Variants in DLG1 observed in about 807,000 individuals in gnomAD.
The protein encoded by DLG1 is discs large MAGUK scaffold protein 1, also known as disks large homolog 1.
Under a neutral mutation model 123.4 loss-of-function variants are expected in DLG1, and 42 were observed. The observed-to-expected ratio is 0.34, with a 90% CI of 0.27 to 0.44. DLG1 has a LOEUF of 0.44. Among genes scored for constraint, DLG1 ranks in the 20% least tolerant of loss-of-function variants. DLG1 has a pLI of 1.00. For synonymous variants in DLG1, 317 were observed against 356.2 expected (o/e 0.89, Z 1.24); for missense variants, 942 against 1,082.6 (o/e 0.87, Z 1.82).
Position 197,207,562 on chromosome 3 carries a change from GAAA to G in DLG1, c.319-12976_319-12974del, listed in dbSNP as rs1458366486. On this transcript the variant is annotated intron_variant, in intron 4 of 24. Transcript: ENST00000667157. ...TGAAATTCTTGTAAAAAACCAGCAAGAAAAAAAGAAAGTCTATAGATAAGGAGT... is the reference window on the plus strand; with the variant it reads ...TGAAATTCTTGTAAAAAACCAGCAAGAAAAGAAAGTCTATAGATAAGGAGT... 5.3e-5 allele frequency among the ~76,000 whole-genome samples: 8 copies of G among 151,888 alleles called. No homozygotes were observed. The East Asian group carries it at 1.5e-3, about 29-fold the overall frequency.
chr3:197,217,448 T>C (rs1188578124), intron 4 of DLG1, among the ~76,000 whole-genome samples: 2 of 152,218 alleles, frequency 1.3e-5, no homozygotes, highest in African/African-American at 2.4e-5. Flanking sequence ...CTATTAAAAT[T>C]TGGAATCAGT....
intron 5 of DLG1, among the ~76,000 whole-genome samples, chr3:197,170,760 G>A (rs1057423607): frequency 6.6e-6 from 1 of 152,138 alleles, no homozygotes; most frequent in Non-Finnish European, 1.5e-5. Flanking sequence ...GTCAATGTTT[G>A]CTTTTGTTGC....
intron 5 of DLG1, among the ~76,000 whole-genome samples, chr3:197,164,477 T>C (rs1046180513): frequency 3.3e-5 from 5 of 152,102 alleles, no homozygotes; most frequent in African/African-American, 1.2e-4. Context: ...TAAAAGCCTA[T>C]GTTTTAAGGT....
chr3:197,062,923 TCTCC>T (rs1736835878), intron 22 of DLG1, among the ~76,000 whole-genome samples: 1 of 152,166 alleles, frequency 6.6e-6, no homozygotes, highest in African/African-American at 2.4e-5. Context: ...CATTTTACCC[TCTCC>T]CTTTTTCTGA....
At chr3:197,245,726 CG>C (rs1396940228) in intron 4 of DLG1, among the ~76,000 whole-genome samples, 1 of 151,912 alleles carries the variant, frequency 6.6e-6, no homozygotes, top group Non-Finnish European at 1.5e-5. Context: ...TCCTTTTCAG[CG>C]GGAGTGAAGA....
In DLG1 at chr3:197,298,550, A is replaced by G. The variant is rs558427868; in HGVS notation, c.-46T>C. 1 of 398,196 alleles carries G rather than the reference A, an allele frequency of 2.5e-6. No homozygotes were observed. Among genetic ancestry groups the G allele is most frequent in the South Asian group, 1.3e-4 (1 of 7,832 alleles). The allele number at this position is 398,196 out of a possible 1,614,324, so 24.7% of individuals were successfully genotyped here. ...GGCGCACATACCGAGACACCCCTCA[A>G]CCTCACTCAGCAGTGCCGTTTCCAA... On this transcript the variant is annotated 5_prime_UTR_variant, in exon 1 of 25. Coordinates refer to ENST00000667157, the MANE Select transcript of DLG1 (RefSeq NM_001366207.1).
Position 197,253,975 on chromosome 3 carries a change from C to T in DLG1, c.318+28704G>A, listed in dbSNP as rs79901229. 1.4e-3 allele frequency among the ~76,000 whole-genome samples: 207 copies of T among 151,174 alleles called. 1 individual carries two copies. The highest frequency in any genetic ancestry group is 3.4e-3 in the Middle Eastern group (1 of 290). Reference sequence around the variant, plus strand: ...CTGCACACGAAGGAAAGAATCTAAACCCCAAAGAAAGAAGCCTTTTGTAAG... The same window carrying T: ...CTGCACACGAAGGAAAGAATCTAAATCCCAAAGAAAGAAGCCTTTTGTAAG... On this transcript the variant is annotated intron_variant, in intron 4 of 24. Coordinates refer to ENST00000667157, the MANE Select transcript of DLG1 (RefSeq NM_001366207.1).
intron 5 of DLG1, among the ~76,000 whole-genome samples, chr3:197,159,925 A>C (rs1377466623): frequency 6.6e-6 from 1 of 152,240 alleles, no homozygotes; most frequent in Non-Finnish European, 1.5e-5. Context: ...ATATGAGATA[A>C]CACTAAAAAT....
chr3:197,127,056 T>C (rs535681488), intron 11 of DLG1, among the ~76,000 whole-genome samples: 43 of 152,206 alleles, frequency 2.8e-4, no homozygotes, highest in Non-Finnish European at 3.7e-4. Context: ...AAATACAGAT[T>C]TCATTTTTCC....
intron 4 of DLG1, among the ~76,000 whole-genome samples, chr3:197,225,005 G>A (rs532113295): frequency 2.6e-5 from 4 of 152,320 alleles, no homozygotes; most frequent in East Asian, 1.9e-4. Flanking sequence ...GGCCCAGGCC[G>A]GAGTGCAGTG....
chr3:197,147,525 C>T (rs138564091), intron 6 of DLG1, among the ~76,000 whole-genome samples: 14 of 151,506 alleles, frequency 9.2e-5, no homozygotes, highest in African/African-American at 3.4e-4. Context: ...TTTGCAGCAA[C>T]CTGAATGGAA....
chr3:197,145,469 T>C (rs1790274234), intron 6 of DLG1, among the ~76,000 whole-genome samples: 1 of 152,234 alleles, frequency 6.6e-6, no homozygotes, highest in African/African-American at 2.4e-5. Context: ...CAATTTTCCT[T>C]GGCATATGGA....
chr3:197,291,301 AC>A (rs1249993778), intron 3 of DLG1, among the ~76,000 whole-genome samples: 5 of 7,314 alleles, frequency 6.8e-4, no homozygotes, highest in African/African-American at 2.9e-3. Context: ...CTACAAAGTT[AC>A]ACACACACAC....
chr3:197,166,848 C>T (rs976292737), intron 5 of DLG1, among the ~76,000 whole-genome samples: 5 of 151,602 alleles, frequency 3.3e-5, no homozygotes, highest in South Asian at 2.1e-4. Flanking sequence ...GCCAAGATCA[C>T]GCCATTCCAC....
intron 6 of DLG1, among the ~76,000 whole-genome samples, chr3:197,146,598 T>C (rs1210375070): frequency 1.8e-4 from 28 of 152,152 alleles, no homozygotes; most frequent in Non-Finnish European, 5.9e-5. Context: ...GCTAGCCACA[T>C]GTAGAAAATG....
intron 24 of DLG1, among the ~76,000 whole-genome samples, chr3:197,049,483 G>A (rs371110101): frequency 6.6e-5 from 10 of 152,240 alleles, no homozygotes; most frequent in East Asian, 1.9e-4. Context: ...AGCCGGGCCC[G>A]ATGGCTCACG....
chr3:197,251,765 C>A (rs577194490), intron 4 of DLG1, among the ~76,000 whole-genome samples: 1 of 152,106 alleles, frequency 6.6e-6, no homozygotes, highest in African/African-American at 2.4e-5. Context: ...CCAAACTACC[C>A]GTCTGACAAG....
intron 4 of DLG1, among the ~76,000 whole-genome samples, chr3:197,264,399 T>C (rs927820184): frequency 3.3e-5 from 5 of 152,106 alleles, no homozygotes; most frequent in African/African-American, 1.2e-4. Context: ...TCAAAGACAA[T>C]ACTCGTTGGA....
At position 197,183,882 on chromosome 3, in the gene DLG1, A is replaced by G. The variant is rs1714138556; in HGVS notation, c.483+10543T>C. The G allele has an allele frequency of 2.0e-6, 3 of 1,492,242 alleles. No individual in the cohort carries two copies. In the South Asian group the frequency reaches 4.0e-5, roughly 20 times the overall value. 92.4% of individuals were successfully genotyped at this position (1,492,242 alleles called of 1,614,324 possible). A position where few individuals can be genotyped will look rare whatever the true frequency, so the allele number is the denominator to read the frequency against. On this transcript the variant is annotated intron_variant, in intron 5 of 24. Coordinates refer to ENST00000667157, the MANE Select transcript of DLG1 (RefSeq NM_001366207.1). ...CTGCTGAGTGGTGAATGATCGGTAAAAACTGCAGCTACAATTACAGCAGCA... is the reference window on the plus strand; with the variant it reads ...CTGCTGAGTGGTGAATGATCGGTAAGAACTGCAGCTACAATTACAGCAGCA...
Sources: allele counts gnomAD v4.1 joint callset (sites outside exome capture counted in the v4.1 genomes callset), GRCh38; gene constraint gnomAD v4.1.1; transcripts MANE v1.5; gene names NCBI Gene and HGNC (gene_info 2026-07-23, HGNC 2026-07-21).